KLHL1: variants seen among roughly 807,000 people sequenced by gnomAD.
KLHL1 encodes kelch like family member 1.
KLHL1 carries 47 observed loss-of-function variants against 77.7 expected under a neutral mutation model. The ratio of observed to expected loss-of-function variants is 0.60; its 90% confidence interval spans 0.48 to 0.77. The LOEUF is 0.77. KLHL1 is among the 30% of genes least tolerant of loss of function. The pLI is 0.00. For synonymous variants in KLHL1, 360 were observed against 325.2 expected, an observed-to-expected ratio of 1.11 and a Z score of -1.15; for missense variants, 925 against 910.8, an observed-to-expected ratio of 1.02 and a Z score of -0.20.
chr13:70,057,541 C>T (rs2081016486), intron 1 of KLHL1, among the ~76,000 whole-genome samples: 1 of 147,190 alleles, frequency 6.8e-6, no homozygotes, highest in Non-Finnish European at 1.5e-5. Context: ...CTTTGGGAGG[C>T]CGAGGCGGGT....
At chr13:69,716,549 A>G (rs1354595629) in intron 9 of KLHL1, among the ~76,000 whole-genome samples, 1 of 152,204 alleles carries the variant, frequency 6.6e-6, no homozygotes, top group Non-Finnish European at 1.5e-5. Context: ...TAGAAGATGC[A>G]GAAGTGGGTA....
intron 4 of KLHL1, among the ~76,000 whole-genome samples, chr13:69,934,973 T>C (rs1410671477): frequency 4.5e-5 from 6 of 134,570 alleles, no homozygotes; most frequent in East Asian, 2.0e-4. Flanking sequence ...TATATATATA[T>C]ATATATATAT....
intron 6 of KLHL1, among the ~76,000 whole-genome samples, chr13:69,806,178 A>G (rs540150606): frequency 6.6e-6 from 1 of 152,302 alleles, no homozygotes; most frequent in Admixed American, 6.5e-5. Context: ...AAATAAGTAA[A>G]TCTTGATTCC....
At chr13:70,052,054 T>G (rs1357342727) in intron 1 of KLHL1, among the ~76,000 whole-genome samples, 1 of 151,972 alleles carries the variant, frequency 6.6e-6, no homozygotes, top group East Asian at 1.9e-4. Flanking sequence ...TTCCTAATAT[T>G]TATCTTAGAT....
intron 7 of KLHL1, among the ~76,000 whole-genome samples, chr13:69,777,859 C>G (rs903651322): frequency 6.6e-6 from 1 of 152,060 alleles, no homozygotes; most frequent in Non-Finnish European, 1.5e-5. Context: ...CAATACCTTA[C>G]TTATCATTTT....
chr13:69,935,899 C>A lies in KLHL1; in HGVS notation c.1014+4141G>T, dbSNP rs1336784695. Among the ~76,000 whole-genome samples the A allele has an allele frequency of 3.3e-5, 5 of 151,934 alleles. No individual in the cohort carries two copies. In the East Asian group the frequency reaches 9.7e-4, roughly 29 times the overall value. Reference sequence around the variant, plus strand: ...CAAGATACTAGACACTTTGATGGAACAAAAAAATTCAATGGAGAATGCTTC... The same window carrying A: ...CAAGATACTAGACACTTTGATGGAAAAAAAAAATTCAATGGAGAATGCTTC... On this transcript the variant is annotated intron_variant, in intron 4 of 10. Transcript: ENST00000377844.
At chr13:69,835,758 G>A (rs770277097) in intron 6 of KLHL1, among the ~76,000 whole-genome samples, 10 of 151,902 alleles carry the variant, frequency 6.6e-5, no homozygotes, top group Non-Finnish European at 1.3e-4. Flanking sequence ...CCTTTTAGAT[G>A]TTGAAATTAT....
chr13:69,954,609 C>T (rs1216699967), intron 3 of KLHL1, among the ~76,000 whole-genome samples: 1 of 151,294 alleles, frequency 6.6e-6, no homozygotes, highest in African/African-American at 2.4e-5. Context: ...ACCCTTACTC[C>T]TAAATATTAA....
chr13:69,787,064 C>A (rs571718791), intron 7 of KLHL1, among the ~76,000 whole-genome samples: 8 of 152,074 alleles, frequency 5.3e-5, no homozygotes, highest in Non-Finnish European at 1.2e-4. Context: ...GAATCAATAT[C>A]GTGAAAATGG....
At chr13:69,956,063 ATATT>A (rs568432489) in intron 3 of KLHL1, among the ~76,000 whole-genome samples, 1,823 of 121,466 alleles carry the variant, frequency 0.015, 50 homozygotes, top group African/African-American at 0.058. Flanking sequence ...ATATATTTAT[ATATT>A]TATTTGATAT....
chr13:70,032,731 A>T (rs1886134573), intron 1 of KLHL1, among the ~76,000 whole-genome samples: 1 of 152,212 alleles, frequency 6.6e-6, no homozygotes. Flanking sequence ...GAAACACATC[A>T]AATGTATGCA....
At chr13:69,872,537 T>TCAGAA (rs1880623043) in intron 5 of KLHL1, among the ~76,000 whole-genome samples, 1 of 152,096 alleles carries the variant, frequency 6.6e-6, no homozygotes, top group Admixed American at 6.6e-5. Context: ...ACTCACTGTG[T>TCAGAA]CTGTGCAACT....
At chr13:69,883,317 T>C (rs1359987115) in intron 4 of KLHL1, among the ~76,000 whole-genome samples, 2 of 152,218 alleles carry the variant, frequency 1.3e-5, no homozygotes, top group Admixed American at 6.5e-5. Flanking sequence ...TCTTTGTTTT[T>C]CAACTTGCCA....
At chr13:69,966,856 A>G (rs1378056253) in intron 2 of KLHL1, among the ~76,000 whole-genome samples, 3 of 152,184 alleles carry the variant, frequency 2.0e-5, no homozygotes, top group African/African-American at 2.4e-5. Flanking sequence ...GAGTGAAGAC[A>G]TATGACATTT....
chr13:69,981,108 A>G (rs1884690944), intron 1 of KLHL1, among the ~76,000 whole-genome samples: 1 of 152,184 alleles, frequency 6.6e-6, no homozygotes, highest in Non-Finnish European at 1.5e-5. Context: ...TGAACATCAA[A>G]TAGTTTCCAG....
chr13:69,722,236 A>G (rs1241830810), intron 8 of KLHL1, among the ~76,000 whole-genome samples: 5 of 152,016 alleles, frequency 3.3e-5, no homozygotes, highest in Non-Finnish European at 7.4e-5. Context: ...AAATTATACT[A>G]TTGAGTTATT....
chr13:69,985,818 A>ATT (rs900091928), intron 1 of KLHL1, among the ~76,000 whole-genome samples: 4 of 146,802 alleles, frequency 2.7e-5, no homozygotes, highest in Admixed American at 6.9e-5. Flanking sequence ...TATATTATAT[A>ATT]TTATATATAT....
At chr13:70,046,135 T>C (rs1385460037) in intron 1 of KLHL1, among the ~76,000 whole-genome samples, 9 of 152,046 alleles carry the variant, frequency 5.9e-5, no homozygotes, top group Admixed American at 3.9e-4. Context: ...GAATAGACCA[T>C]TGTAGGCAGA....
chr13:69,719,194 G>GTGTT (rs1394656082), intron 9 of KLHL1, among the ~76,000 whole-genome samples, 175 bp downstream of exon 9: 1 of 38,016 alleles, frequency 2.6e-5, no homozygotes, highest in African/African-American at 5.0e-5. Context: ...GTGTGTGTGT[G>GTGTT]TGTGTGTGTG....
Sources: allele counts gnomAD v4.1 joint callset (sites outside exome capture counted in the v4.1 genomes callset), GRCh38; gene constraint gnomAD v4.1.1; transcripts MANE v1.5; gene names NCBI Gene and HGNC (gene_info 2026-07-23, HGNC 2026-07-21).